The following PGM3 variants were observed in gnomAD, a reference collection of about 807,000 sequenced individuals.
PGM3 encodes phosphoacetylglucosamine mutase.
Under a neutral mutation model 66.2 loss-of-function variants are expected in PGM3, and 40 were observed. The ratio of observed to expected loss-of-function variants is 0.60; its 90% CI spans 0.47 to 0.79. PGM3 has a LOEUF of 0.79. Ranked by LOEUF, PGM3 falls within the 30% of genes least tolerant of loss-of-function variation. The pLI, the probability that PGM3 is intolerant of heterozygous loss-of-function variation, is 0.00. For missense variants in PGM3, 537 were observed against 643.4 expected, an observed-to-expected ratio of 0.83 and a Z score of 1.79; for synonymous variants, 191 against 224.2, an observed-to-expected ratio of 0.85 and a Z score of 1.32.
chr6:83,181,619 G>A (rs1331942325), intron 6 of PGM3, 117 bp downstream of exon 6: 7 of 685,740 alleles, frequency 1.0e-5, no homozygotes, highest in East Asian at 5.3e-5. Flanking sequence ...ATGTCTAAAT[G>A]TGGCAGAGCC....
downstream of PGM3, chr6:83,156,182 G>A (rs1042571554): frequency 1.7e-6 from 2 of 1,196,746 alleles, no homozygotes; most frequent in African/African-American, 3.1e-5. Context: ...TAAATACTAA[G>A]TTGGGGTAAA....
chr6:83,153,472 CA>C, the PGM3 span: 1 of 1,354,330 alleles, frequency 7.4e-7, no homozygotes, highest in Non-Finnish European at 1.0e-6. Context: ...ATGTCAGTTT[CA>C]CCTCATATGT....
chr6:83,192,171 C>G (rs1319323753), intron 1 of PGM3, among the ~76,000 whole-genome samples: 1 of 151,612 alleles, frequency 6.6e-6, no homozygotes, highest in African/African-American at 2.4e-5. Context: ...GAGGCTGACG[C>G]AGGAGAATCG....
At position 83,175,995 on chromosome 6, in the gene PGM3, A is replaced by G; in HGVS notation, c.1095T>C (p.Ile365=). ...HLHHKAQEFD[I]GVYFEANGHG... ...GCCCATTTGCTTCAAAATAAACTCCAATGTCAAACTCTTGAGCCTTGTGGT... is the reference window on the plus strand; with the variant it reads ...GCCCATTTGCTTCAAAATAAACTCCGATGTCAAACTCTTGAGCCTTGTGGT... Residue 365 remains isoleucine, a synonymous_variant, in exon 9 of 13, where the codon ATT becomes ATC. Coordinates refer to ENST00000513973, the MANE Select transcript of PGM3 (RefSeq NM_015599.3). 6.2e-7 allele frequency: 1 copy of G among 1,612,062 alleles called. No individual in the cohort carries two copies. Among genetic ancestry groups the G allele is most frequent in the Non-Finnish European group, 8.5e-7 (1 of 1,178,148 alleles).
intron 12 of PGM3, chr6:83,169,798 T>C (rs1411066598): frequency 4.4e-6 from 2 of 457,486 alleles, no homozygotes; most frequent in Admixed American, 2.3e-5. Flanking sequence ...AAGGAGTATG[T>C]GAAGAGGCCA....
rs1273531786 is a variant in PGM3 at position 83,165,665 on chromosome 6, G to C, written c.*3569C>G. Reference sequence around the variant, plus strand: ...AGCAATTTCCCTGCAAAACGTTGCTGAGATGCCTAAAGAAGTGGTAGTTTG... The same window carrying C: ...AGCAATTTCCCTGCAAAACGTTGCTCAGATGCCTAAAGAAGTGGTAGTTTG... On this transcript the variant is annotated 3_prime_UTR_variant, in exon 13 of 13. Coordinates refer to ENST00000513973, the MANE Select transcript of PGM3 (RefSeq NM_015599.3). 2.4e-5 allele frequency: 5 copies of C among 204,692 alleles called. No homozygotes were observed. Among genetic ancestry groups the C allele is most frequent in the African/African-American group, 1.2e-4 (5 of 43,008 alleles). 12.7% of individuals were successfully genotyped at this position (204,692 alleles called of 1,614,324 possible).
At chr6:83,185,654 G>A (rs1788526993) in intron 4 of PGM3, among the ~76,000 whole-genome samples, 1 of 152,126 alleles carries the variant, frequency 6.6e-6, no homozygotes, top group South Asian at 2.1e-4. Context: ...AGCTACTCGG[G>A]AGGCTGAGGC....
chr6:83,155,936 C>A, the PGM3 span: 13 of 1,603,606 alleles, frequency 8.1e-6, no homozygotes, highest in South Asian at 1.5e-4. Context: ...CAGTCTCTTT[C>A]ACTTGCTTTT....
chr6:83,162,639 A>G (rs1048310463), downstream of PGM3: 1 of 751,062 alleles, frequency 1.3e-6, no homozygotes, highest in Non-Finnish European at 2.0e-6. Flanking sequence ...GTTAAGAAAC[A>G]TACCCAAAGT....
downstream of PGM3, among the ~76,000 whole-genome samples, chr6:83,156,683 T>G (rs1415535232): frequency 2.6e-5 from 4 of 152,186 alleles, no homozygotes; most frequent in Non-Finnish European, 4.4e-5. Context: ...CTCTAAAGCC[T>G]CCAGCCTCAG....
Position 83,168,627 on chromosome 6 carries a change from G to T in PGM3, c.*607C>A. 1 of 996,318 alleles carries T rather than the reference G, an allele frequency of 1.0e-6. No homozygotes were observed. 61.7% of individuals were successfully genotyped at this position (996,318 alleles called of 1,614,324 possible). ...CTCCCACATACCTTCACCAAGAGCAGTGAAGAATAACTGAAGGCTGGACCA... is the reference window on the plus strand; with the variant it reads ...CTCCCACATACCTTCACCAAGAGCATTGAAGAATAACTGAAGGCTGGACCA... On this transcript the variant is annotated 3_prime_UTR_variant, in exon 13 of 13. Transcript: ENST00000513973.
chr6:83,182,846 T>A lies in PGM3; in HGVS notation c.590A>T (p.Gln197Leu), dbSNP rs1312277520. Reference sequence around the variant, plus strand: ...AACCATGTTCAATAAACTTTTCACCTGTTTGGTGAGTTCCACAAAAGCCTT... The same window carrying A: ...AACCATGTTCAATAAACTTTTCACCAGTTTGGTGAGTTCCACAAAAGCCTT... ...LSKAFVELTK[Q>L]ASCSGDEYRS... The change falls in exon 5 of 13, where the codon CAG becomes CTG. Residue 197 changes from glutamine (Q) to leucine (L), a missense_variant and splice_region_variant. Physicochemically the swap from Gln to Leu is moderately radical, Grantham distance 113 (BLOSUM62 -2). Transcript: ENST00000513973. 2 of 1,613,470 alleles carry A rather than the reference T, an allele frequency of 1.2e-6. No homozygotes were observed. Among genetic ancestry groups the A allele is most frequent in the South Asian group, 2.2e-5 (2 of 90,982 alleles).
chr6:83,174,537 G>C, intron 9 of PGM3, 50 bp from the exon 10 acceptor site: 1 of 953,382 alleles, frequency 1.0e-6, no homozygotes, highest in Non-Finnish European at 1.6e-6. Context: ...CCAAAACCTA[G>C]TCATAAGTAC....
downstream of PGM3, among the ~76,000 whole-genome samples, chr6:83,163,102 G>GT (rs1314398644): frequency 1.3e-5 from 2 of 152,066 alleles, no homozygotes; most frequent in Non-Finnish European, 1.5e-5. Context: ...AAAACATATC[G>GT]TATGTATTTT....
chr6:83,191,432 T>C (rs1440668537), intron 1 of PGM3: 7 of 590,224 alleles, frequency 1.2e-5, no homozygotes, highest in East Asian at 8.4e-5. Context: ...TGGTGACGGA[T>C]TGAGGCCTAA....
chr6:83,159,562 A>C (rs1274808474), downstream of PGM3, among the ~76,000 whole-genome samples: 3 of 152,062 alleles, frequency 2.0e-5, no homozygotes, highest in Non-Finnish European at 4.4e-5. Context: ...AAATGCTGGG[A>C]TTACAGGCAG....
downstream of PGM3, chr6:83,157,143 G>A (rs951828698): frequency 4.4e-6 from 7 of 1,599,922 alleles, no homozygotes; most frequent in Non-Finnish European, 6.0e-6. Context: ...ATGTGATAAA[G>A]ATTATTTAGT....
chr6:83,186,117 T>G (rs1788561007), intron 4 of PGM3, among the ~76,000 whole-genome samples: 1 of 152,192 alleles, frequency 6.6e-6, no homozygotes, highest in Non-Finnish European at 1.5e-5. Flanking sequence ...CAACACTCTG[T>G]ACATCGTATC....
At chr6:83,176,140 C>A in intron 8 of PGM3, 80 bp from the exon 9 acceptor site, 1 of 783,738 alleles carries the variant, frequency 1.3e-6, no homozygotes, top group South Asian at 1.5e-5. Context: ...CCCAGAGATA[C>A]AAAGGGGAAC....
Sources: allele counts gnomAD v4.1 joint callset (sites outside exome capture counted in the v4.1 genomes callset), GRCh38; gene constraint gnomAD v4.1.1; transcripts MANE v1.5; gene names NCBI Gene and HGNC (gene_info 2026-07-23, HGNC 2026-07-21).